The following TPGS2 variants were observed in gnomAD, a reference collection of about 807,000 sequenced individuals.
The protein encoded by TPGS2 is polyglutamylase subunit 2.
Under a neutral mutation model 31.1 loss-of-function variants are expected in TPGS2, and 26 were observed. That is an observed-to-expected ratio of 0.84 (90% CI 0.61 to 1.16). TPGS2 has a LOEUF of 1.16. TPGS2 is among the 50% of genes most tolerant of loss of function. The pLI, the probability that TPGS2 is intolerant of heterozygous loss-of-function variation, is 0.00. For synonymous variants in TPGS2, 130 were observed against 136.6 expected (o/e 0.95, Z 0.34); for missense variants, 351 against 363.8 (o/e 0.96, Z 0.29).
Position 36,796,584 on chromosome 18 carries a change from C to T in TPGS2, c.*221G>A, listed in dbSNP as rs2150558537. 1 of 1,325,952 alleles carries T rather than the reference C, an allele frequency of 7.5e-7. No homozygotes were observed. The highest frequency in any genetic ancestry group is 2.3e-5 in the South Asian group (1 of 44,098). 82.1% of individuals were successfully genotyped at this position (1,325,952 alleles called of 1,614,324 possible). Reference sequence around the variant, plus strand: ...TTATTTGGGCACTTACACAAGATTCCAAATTCCCCATTGCTTCCAGAGGCA... The same window carrying T: ...TTATTTGGGCACTTACACAAGATTCTAAATTCCCCATTGCTTCCAGAGGCA... On this transcript the variant is annotated 3_prime_UTR_variant, in exon 7 of 7. Transcript: ENST00000334295.
At chr18:36,792,659 T>C (rs1567995019), downstream of TPGS2, among the ~76,000 whole-genome samples, 1 of 152,190 alleles carries the variant, frequency 6.6e-6, no homozygotes, top group Admixed American at 6.5e-5. Flanking sequence ...GCAATTTTGA[T>C]TTAGTATGTC....
intron 6 of TPGS2, chr18:36,798,140 C>T (rs2150565186): frequency 8.8e-7 from 1 of 1,142,290 alleles, no homozygotes; most frequent in African/African-American, 1.6e-5. Context: ...ACTTTTCACT[C>T]TTCCTGGGTG....
chr18:36,815,470 A>G (rs2045611048), intron 2 of TPGS2, among the ~76,000 whole-genome samples: 1 of 152,178 alleles, frequency 6.6e-6, no homozygotes, highest in Admixed American at 6.5e-5. Context: ...CAAAAAAAAC[A>G]TATCTGACAT....
chr18:36,788,349 G>A (rs997157198), intron 6 of TPGS2, among the ~76,000 whole-genome samples: 10 of 152,114 alleles, frequency 6.6e-5, no homozygotes, highest in Admixed American at 5.2e-4. Context: ...TAGCAGATGT[G>A]GCCTGGAACC....
At chr18:36,811,840 G>C (rs570614128) in intron 2 of TPGS2, among the ~76,000 whole-genome samples, 1 of 152,166 alleles carries the variant, frequency 6.6e-6, no homozygotes, top group East Asian at 1.9e-4. Flanking sequence ...GAGAAATGAG[G>C]GAAGGGGCAG....
At chr18:36,789,389 A>C (rs2044231276), downstream of TPGS2, 1 of 152,242 alleles carries the variant, frequency 6.6e-6, no homozygotes, top group East Asian at 1.9e-4. Flanking sequence ...CTAATATGGT[A>C]GCCACTAGAC....
Position 36,796,150 on chromosome 18 carries a change from C to T in TPGS2, c.*655G>A, listed in dbSNP as rs1386321756. 4.1e-6 allele frequency: 4 copies of T among 985,244 alleles called. No individual in the cohort carries two copies. The Admixed American group carries it at 2.5e-4, about 61-fold the overall frequency. The allele number at this position is 985,244 out of a possible 1,614,324, so 61.0% of individuals were successfully genotyped here. ...TATTTGTGGTAAGGGATACAAAGAA[C>T]ATACAATTGTGTACTTGAGAGGTTT... On this transcript the variant is annotated 3_prime_UTR_variant, in exon 7 of 7. Coordinates refer to ENST00000334295, the MANE Select transcript of TPGS2 (RefSeq NM_015476.4).
intron 6 of TPGS2, chr18:36,788,670 A>G (rs2044206090): frequency 2.6e-5 from 4 of 152,156 alleles, no homozygotes; most frequent in Admixed American, 2.6e-4. Flanking sequence ...TCTTCAGAGG[A>G]GTACCAGTTA....
intron 1 of TPGS2, among the ~76,000 whole-genome samples, chr18:36,822,222 C>T (rs909302420): frequency 2.0e-5 from 3 of 152,264 alleles, no homozygotes; most frequent in Admixed American, 6.5e-5. Flanking sequence ...ATAGGCTTTC[C>T]GGGGAAGAAA....
chr18:36,780,303 A>G (rs1421171966), downstream of TPGS2: 4 of 760,756 alleles, frequency 5.3e-6, no homozygotes, highest in Non-Finnish European at 7.2e-6. Context: ...CCTAACATCT[A>G]TCACCTTACC....
Position 36,818,928 on chromosome 18 carries a change from G to C in TPGS2, c.131C>G (p.Pro44Arg), listed in dbSNP as rs1157959165. The stretch of plus-strand genomic sequence containing the variant: ...GGAAGAAATCATATGACGTTCAGCA[G>C]GAGGCTTTTCTATGATGGTCACCTC... ...VTEVTIIEKP[P>R]AERHMISSWE... The change falls in exon 2 of 7, where the codon CCT (proline) becomes CGT (arginine). Residue 44 changes from proline (P) to arginine (R), a missense_variant. Pro to Arg is a moderately radical substitution (Grantham distance 103, BLOSUM62 -2). Transcript: ENST00000334295. 6.2e-7 allele frequency: 1 copy of C among 1,613,844 alleles called. No individual in the cohort carries two copies. The highest frequency in any genetic ancestry group is 2.2e-5 in the East Asian group (1 of 44,878).
chr18:36,802,838 GA>G (rs1380682120), intron 4 of TPGS2, among the ~76,000 whole-genome samples: 1 of 152,088 alleles, frequency 6.6e-6, no homozygotes, highest in African/African-American at 2.4e-5. Flanking sequence ...ATGTTGGCCA[GA>G]ATGGTCTTGA....
intron 1 of TPGS2, among the ~76,000 whole-genome samples, chr18:36,823,578 A>C (rs958676209): frequency 1.4e-5 from 2 of 145,354 alleles, no homozygotes; most frequent in Non-Finnish European, 1.5e-5. Flanking sequence ...CTCCTGCCTC[A>C]GCCTCCCGAG....
At chr18:36,781,905 A>G, downstream of TPGS2, 1 of 985,384 alleles carries the variant, frequency 1.0e-6, no homozygotes, top group South Asian at 4.7e-5. Flanking sequence ...TACATTATAG[A>G]CGGTTGTGTT....
At chr18:36,800,942 G>A (rs1243506945) in intron 4 of TPGS2, among the ~76,000 whole-genome samples, 1 of 152,130 alleles carries the variant, frequency 6.6e-6, no homozygotes, top group Non-Finnish European at 1.5e-5. Context: ...TGCCCATCTT[G>A]GCCTCCCAAA....
At chr18:36,823,425 A>G (rs1327701208) in intron 1 of TPGS2, among the ~76,000 whole-genome samples, 1 of 133,360 alleles carries the variant, frequency 7.5e-6, no homozygotes, top group Non-Finnish European at 1.6e-5. Flanking sequence ...TTCTTTTCCT[A>G]CCTCAAATCT....
intron 2 of TPGS2, among the ~76,000 whole-genome samples, chr18:36,815,816 TGTTA>T (rs1244493817): frequency 1.3e-5 from 2 of 152,044 alleles, no homozygotes; most frequent in Non-Finnish European, 2.9e-5. Context: ...ATCCTAATAC[TGTTA>T]GTATCTTATT....
intron 4 of TPGS2, among the ~76,000 whole-genome samples, chr18:36,803,547 T>C (rs1236290594): frequency 1.3e-5 from 2 of 152,250 alleles, no homozygotes; most frequent in Non-Finnish European, 2.9e-5. Context: ...TATTAGTATG[T>C]ATTTACTGCC....
intron 3 of TPGS2, 195 bp downstream of exon 3, chr18:36,807,652 G>A (rs931046748): frequency 8.0e-5 from 48 of 599,632 alleles, no homozygotes; most frequent in South Asian, 6.3e-4. Context: ...CTAGACTGTC[G>A]TGGGATTTGT....
Sources: gnomAD v4.1 joint callset for allele counts (sites outside exome capture counted in the v4.1 genomes callset) on GRCh38, gnomAD v4.1.1 for gene constraint, MANE v1.5 for transcripts, NCBI Gene and HGNC (gene_info 2026-07-23, HGNC 2026-07-21) for gene names.